The following ZNF385D variants were observed in gnomAD, a reference collection of about 807,000 sequenced individuals.
ZNF385D encodes the protein zinc finger protein 659.
ZNF385D carries 15 observed loss-of-function variants against 35.8 expected under a neutral mutation model. The observed-to-expected ratio is 0.42, with a 90% CI of 0.28 to 0.64. The LOEUF (loss-of-function observed/expected upper bound fraction) is 0.64, where lower values mean the gene tolerates loss of function less well. Among genes scored for constraint, ZNF385D ranks in the 30% least tolerant of loss-of-function variants. ZNF385D has a pLI of 0.23. For missense variants in ZNF385D, 474 were observed against 494.6 expected (o/e 0.96, Z 0.39); for synonymous variants, 212 against 186.8 (o/e 1.13, Z -1.10).
At chr3:22,195,980 C>T (rs567266366) in intron 2 of ZNF385D, among the ~76,000 whole-genome samples, 26 of 152,052 alleles carry the variant, frequency 1.7e-4, no homozygotes, top group African/African-American at 5.3e-4. Context: ...GATGATAACA[C>T]ATGGGCACAT....
chr3:22,326,586 GCAGGAAGAAACCTGC>G (rs1395228729), intron 2 of ZNF385D, among the ~76,000 whole-genome samples: 1 of 152,154 alleles, frequency 6.6e-6, no homozygotes. Context: ...AGTTTAAAAG[GCAGGAAGAAACCTGC>G]CAGGAATGGA....
At chr3:22,252,390 ATACT>A (rs1700107268) in intron 2 of ZNF385D, among the ~76,000 whole-genome samples, 1 of 152,100 alleles carries the variant, frequency 6.6e-6, no homozygotes, top group African/African-American at 2.4e-5. Context: ...CAACAGAAAG[ATACT>A]TAAGATGCAG....
At chr3:21,808,248 T>C (rs2072742179) in intron 3 of ZNF385D, among the ~76,000 whole-genome samples, 1 of 152,198 alleles carries the variant, frequency 6.6e-6, no homozygotes, top group African/African-American at 2.4e-5. Context: ...TTAAATTACA[T>C]AAATAACAAC....
At chr3:21,457,986 CAG>C (rs1268967593) in intron 4 of ZNF385D, among the ~76,000 whole-genome samples, 1 of 151,998 alleles carries the variant, frequency 6.6e-6, no homozygotes, top group Non-Finnish European at 1.5e-5. Flanking sequence ...GTCAGAAAGA[CAG>C]GGGTGATACA....
At position 21,720,905 on chromosome 3, in the gene ZNF385D, C is replaced by T. The variant is rs59664195; in HGVS notation, c.22+29990G>A. Reference sequence around the variant, plus strand: ...GACAAAAAGTGCGTGATTGCAACCACGCAATTATTTGTACCTTTTTCCTGT... The same window carrying T: ...GACAAAAAGTGCGTGATTGCAACCATGCAATTATTTGTACCTTTTTCCTGT... On this transcript the variant is annotated intron_variant, in intron 1 of 7. Transcript: ENST00000281523. 7.8e-3 allele frequency among the ~76,000 whole-genome samples: 1,182 copies of T among 152,222 alleles called. 18 individuals carry two copies. The highest frequency in any genetic ancestry group is 0.027 in the African/African-American group (1,116 of 41,530).
chr3:21,682,173 A>G (rs2066932146), intron 1 of ZNF385D, among the ~76,000 whole-genome samples: 1 of 152,186 alleles, frequency 6.6e-6, no homozygotes, highest in Non-Finnish European at 1.5e-5. Flanking sequence ...AATAAAGAAG[A>G]GCTGAATCTT....
At chr3:21,547,638 C>G in intron 3 of ZNF385D, among the ~76,000 whole-genome samples, 1 of 149,506 alleles carries the variant, frequency 6.7e-6, no homozygotes, top group Non-Finnish European at 1.5e-5. Flanking sequence ...TTTTTTGAGA[C>G]AAGAGTCTCG....
At chr3:21,912,653 A>G (rs1014329298) in intron 3 of ZNF385D, among the ~76,000 whole-genome samples, 1 of 152,078 alleles carries the variant, frequency 6.6e-6, no homozygotes, top group Non-Finnish European at 1.5e-5. Flanking sequence ...GATTGTATAT[A>G]TCCAGTGGCG....
At chr3:21,746,994 G>A (rs2069803069) in intron 1 of ZNF385D, among the ~76,000 whole-genome samples, 1 of 150,654 alleles carries the variant, frequency 6.6e-6, no homozygotes, top group South Asian at 2.1e-4. Context: ...GTCTATTATA[G>A]GCAGGGGAAT....
At chr3:22,036,545 A>C (rs1406496343) in intron 3 of ZNF385D, among the ~76,000 whole-genome samples, 2 of 152,162 alleles carry the variant, frequency 1.3e-5, no homozygotes, top group Non-Finnish European at 2.9e-5. Flanking sequence ...TGATATGAGT[A>C]TATGGCAAAT....
chr3:21,688,867 G>A (rs1266095863), intron 1 of ZNF385D, among the ~76,000 whole-genome samples: 1 of 152,120 alleles, frequency 6.6e-6, no homozygotes, highest in African/African-American at 2.4e-5. Context: ...AAAATAGTAT[G>A]TGCATGCTAT....
intron 3 of ZNF385D, among the ~76,000 whole-genome samples, chr3:22,011,790 A>T (rs1352130049): frequency 6.6e-6 from 1 of 152,134 alleles, no homozygotes; most frequent in Non-Finnish European, 1.5e-5. Flanking sequence ...TATCTTACCG[A>T]AGATCACATT....
chr3:22,081,520 C>T (rs1356965693), intron 3 of ZNF385D, among the ~76,000 whole-genome samples: 1 of 152,278 alleles, frequency 6.6e-6, no homozygotes, highest in Admixed American at 6.5e-5. Flanking sequence ...TAGCCATTCA[C>T]CAAAACAGTT....
chr3:22,131,535 T>C (rs981381762), intron 3 of ZNF385D, among the ~76,000 whole-genome samples: 2 of 151,752 alleles, frequency 1.3e-5, no homozygotes, highest in African/African-American at 4.8e-5. Context: ...CAGTAGAGAA[T>C]GAAAAATGAT....
chr3:21,706,631 T>A (rs138149226), intron 1 of ZNF385D, among the ~76,000 whole-genome samples: 1 of 152,258 alleles, frequency 6.6e-6, no homozygotes, highest in Non-Finnish European at 1.5e-5. Context: ...CCAGGATGGT[T>A]TATTGCCATT....
At chr3:21,724,119 C>T (rs1227492193) in intron 1 of ZNF385D, among the ~76,000 whole-genome samples, 3 of 152,034 alleles carry the variant, frequency 2.0e-5, no homozygotes, top group Admixed American at 1.3e-4. Flanking sequence ...TTTGTCACCA[C>T]CAGGCCTGCC....
chr3:21,785,512 A>G (rs2071654520), intron 3 of ZNF385D, among the ~76,000 whole-genome samples: 2 of 152,150 alleles, frequency 1.3e-5, no homozygotes, highest in African/African-American at 2.4e-5. Context: ...ATGTCCAGAA[A>G]CTTGAATAGC....
At chr3:22,183,982 T>A (rs1379658899) in intron 2 of ZNF385D, among the ~76,000 whole-genome samples, 2 of 152,186 alleles carry the variant, frequency 1.3e-5, no homozygotes, top group Non-Finnish European at 2.9e-5. Context: ...TACAAAACTA[T>A]GAGTTTCACT....
intron 1 of ZNF385D, among the ~76,000 whole-genome samples, chr3:21,668,933 T>A (rs572272849): frequency 1.2e-4 from 18 of 152,354 alleles, no homozygotes; most frequent in African/African-American, 3.8e-4. Flanking sequence ...TGAAAATGTA[T>A]AATAGATTTG....
Sources: allele counts gnomAD v4.1 joint callset (sites outside exome capture counted in the v4.1 genomes callset), GRCh38; gene constraint gnomAD v4.1.1; transcripts MANE v1.5; gene names NCBI Gene and HGNC (gene_info 2026-07-23, HGNC 2026-07-21).